The following BRWD1 variants were observed in gnomAD, a reference collection of about 807,000 sequenced individuals.
The protein encoded by BRWD1 is bromodomain and WD repeat domain containing 1.
In BRWD1, 82 loss-of-function variants were observed where a neutral mutation model predicts 251.2. That is an observed-to-expected ratio of 0.33 (90% CI 0.27 to 0.39). BRWD1 has a LOEUF of 0.39. Ranked by LOEUF, BRWD1 falls within the 10% of genes least tolerant of loss-of-function variation. The pLI, the probability that BRWD1 is intolerant of heterozygous loss-of-function variation, is 1.00. For missense variants in BRWD1, 2,233 were observed against 2,711.6 expected (o/e 0.82, Z 3.92); for synonymous variants, 918 against 902.8 (o/e 1.02, Z -0.30).
chr21:39,191,348 T>C lies in BRWD1; in HGVS notation c.*4911A>G. 4.1e-6 allele frequency: 4 copies of C among 985,384 alleles called. No individual in the cohort carries two copies. The highest frequency in any genetic ancestry group is 4.8e-6 in the Non-Finnish European group (4 of 829,914). 61.0% of individuals were successfully genotyped at this position (985,384 alleles called of 1,614,324 possible). The stretch of plus-strand genomic sequence containing the variant: ...GTGGAAAAGAGGTTGGGGAACCACT[T>C]GGGACAAGTCTGGAATTAACCAGCT... On this transcript the variant is annotated 3_prime_UTR_variant, in exon 41 of 41. Transcript: ENST00000342449.
Position 39,218,486 on chromosome 21 carries a change from TA to T in BRWD1, c.3538+18del. The T allele has an allele frequency of 6.4e-7, 1 of 1,557,338 alleles. No homozygotes were observed. On this transcript the variant is annotated intron_variant, in intron 30 of 40. Transcript: ENST00000342449. ...AAATTGAAAAAAAAACTTTTCATCC[TA>T]AAAAATAAAAAACTTACCAAGATTC...
intron 19 of BRWD1, among the ~76,000 whole-genome samples, chr21:39,252,249 CAAA>C (rs36017444): frequency 8.2e-6 from 1 of 122,232 alleles, no homozygotes; most frequent in Admixed American, 8.2e-5. Flanking sequence ...AACTCCGTCT[CAAA>C]AAAAAAAAAA....
chr21:39,235,176 G>A (rs1316254494), intron 23 of BRWD1, among the ~76,000 whole-genome samples: 1 of 152,136 alleles, frequency 6.6e-6, no homozygotes, highest in Non-Finnish European at 1.5e-5. Context: ...TTGAACCCAG[G>A]AGGCAGAGGC....
At chr21:39,231,249 AT>A (rs1045948452) in intron 25 of BRWD1, among the ~76,000 whole-genome samples, 5 of 152,202 alleles carry the variant, frequency 3.3e-5, no homozygotes, top group Non-Finnish European at 7.4e-5. Flanking sequence ...TGACATTTTG[AT>A]GTTGTTCTTT....
chr21:39,276,252 T>C (rs2035278027), intron 11 of BRWD1, 39 bp from the exon 12 acceptor site: 4 of 1,541,664 alleles, frequency 2.6e-6, no homozygotes, highest in South Asian at 1.2e-5. Context: ...AATGATCATC[T>C]ACATGGTCTG....
intron 8 of BRWD1, among the ~76,000 whole-genome samples, chr21:39,283,786 T>C (rs1358995721): frequency 2.0e-5 from 3 of 152,226 alleles, no homozygotes; most frequent in Non-Finnish European, 2.9e-5. Flanking sequence ...CATACAACCA[T>C]GTTTTGTTAT....
chr21:39,264,428 T>A lies in BRWD1; in HGVS notation c.1885+32A>T, dbSNP rs916485574. ...ACTTTAAAATATTCAAGTACAACTT[T>A]AAAAAAAAAAAAAAAAAAAGACTGC... On this transcript the variant is annotated intron_variant, in intron 17 of 40. Coordinates refer to ENST00000342449, the MANE Select transcript of BRWD1 (RefSeq NM_033656.4). 6.1e-4 allele frequency: 710 copies of A among 1,160,928 alleles called. 4 individuals carry two copies. The highest frequency in any genetic ancestry group is 7.2e-4 in the East Asian group (24 of 33,288). 71.9% of individuals were successfully genotyped at this position (1,160,928 alleles called of 1,614,324 possible). A position where few individuals can be genotyped will look rare whatever the true frequency, so the allele number is the denominator to read the frequency against.
Position 39,193,801 on chromosome 21 carries a change from C to T in BRWD1, c.*2458G>A, listed in dbSNP as rs1356240850. ...TTTTGCATAACGTAGAAAAAAAAGG[C>T]CAAACATGTTCTAGTGCTCAATGTA... On this transcript the variant is annotated 3_prime_UTR_variant, in exon 41 of 41. Coordinates refer to ENST00000342449, the MANE Select transcript of BRWD1 (RefSeq NM_033656.4). The T allele has an allele frequency of 2.0e-6, 2 of 985,332 alleles. No individual in the cohort carries two copies. The highest frequency in any genetic ancestry group is 1.7e-5 in the African/African-American group (1 of 57,168). The allele number at this position is 985,332 out of a possible 1,614,324, so 61.0% of individuals were successfully genotyped here.
chr21:39,218,940 CCT>C (rs2033062517), intron 29 of BRWD1, among the ~76,000 whole-genome samples: 1 of 151,926 alleles, frequency 6.6e-6, no homozygotes, highest in Non-Finnish European at 1.5e-5. Flanking sequence ...CAAACTTAAC[CCT>C]GAGGCCTCTG....
At chr21:39,286,978 T>C (rs983008422) in intron 8 of BRWD1, among the ~76,000 whole-genome samples, 6 of 152,198 alleles carry the variant, frequency 3.9e-5, no homozygotes, top group South Asian at 2.1e-4. Context: ...CAATGGTTAA[T>C]AGTTTGCAAC....
At position 39,192,191 on chromosome 21, in the gene BRWD1, T is replaced by C. The variant is rs1486244556; in HGVS notation, c.*4068A>G. 1 of 985,204 alleles carries C rather than the reference T, an allele frequency of 1.0e-6. No homozygotes were observed. Among genetic ancestry groups the C allele is most frequent in the Non-Finnish European group, 1.2e-6 (1 of 829,856 alleles). The allele number at this position is 985,204 out of a possible 1,614,324, so 61.0% of individuals were successfully genotyped here. A position where few individuals can be genotyped will look rare whatever the true frequency, so the allele number is the denominator to read the frequency against. On this transcript the variant is annotated 3_prime_UTR_variant, in exon 41 of 41. Transcript: ENST00000342449. ...CCCATGTATCCTTGGGCAACATCTC[T>C]GTAATTTAACAGCCTTTAAAACTTA...
chr21:39,312,247 CTCA>C (rs2036510584), intron 4 of BRWD1, among the ~76,000 whole-genome samples: 1 of 152,302 alleles, frequency 6.6e-6, no homozygotes, highest in South Asian at 2.1e-4. Context: ...CAGTGTGAAA[CTCA>C]TCAATCAACT....
intron 29 of BRWD1, among the ~76,000 whole-genome samples, chr21:39,222,832 G>A (rs2033230940): frequency 6.6e-6 from 1 of 152,050 alleles, no homozygotes; most frequent in South Asian, 2.1e-4. Context: ...AATTATAATG[G>A]AAAAAGTATT....
chr21:39,319,825 T>A (rs1034920993), intron 1 of BRWD1, among the ~76,000 whole-genome samples: 6 of 152,218 alleles, frequency 3.9e-5, no homozygotes, highest in Non-Finnish European at 7.3e-5. Flanking sequence ...TCTCCCTGAC[T>A]CTCCACCTAA....
intron 21 of BRWD1, among the ~76,000 whole-genome samples, chr21:39,238,959 A>T (rs2033901670): frequency 6.6e-6 from 1 of 152,082 alleles, no homozygotes; most frequent in Admixed American, 6.5e-5. Context: ...GTAGCTTTTC[A>T]TATGGTTATT....
rs2031599080 is a variant in BRWD1 at position 39,192,413 on chromosome 21, A to C, written c.*3846T>G. On this transcript the variant is annotated 3_prime_UTR_variant, in exon 41 of 41. Coordinates refer to ENST00000342449, the MANE Select transcript of BRWD1 (RefSeq NM_033656.4). The stretch of plus-strand genomic sequence containing the variant: ...AAATACTAGGATAAGAGACAGTCTC[A>C]AACTGTTAAGTTGCAAATTTCTTGG... 1.0e-6 allele frequency: 1 copy of C among 985,288 alleles called. No homozygotes were observed. Among genetic ancestry groups the C allele is most frequent in the African/African-American group, 1.7e-5 (1 of 57,336 alleles). 61.0% of individuals were successfully genotyped at this position (985,288 alleles called of 1,614,324 possible). A position where few individuals can be genotyped will look rare whatever the true frequency, so the allele number is the denominator to read the frequency against.
rs976912290 is a variant in BRWD1, at chr21:39,274,313, G to C, written c.1244+61C>G. On this transcript the variant is annotated intron_variant, in intron 13 of 40. Transcript: ENST00000342449. ...TGAGAGACACAGAGAGCGAGAGAGA[G>C]AGAGAGAGAGAGACAGATCGAACAC... 4.0e-5 allele frequency: 52 copies of C among 1,287,290 alleles called. No homozygotes were observed. In the African/African-American group the frequency reaches 6.3e-4, roughly 16 times the overall value. The allele number at this position is 1,287,290 out of a possible 1,614,324, so 79.7% of individuals were successfully genotyped here.
chr21:39,265,040 A>G (rs772694286), intron 15 of BRWD1, 21 bp from the exon 16 acceptor site: 77 of 1,608,224 alleles, frequency 4.8e-5, no homozygotes, highest in Non-Finnish European at 6.2e-5. Context: ...CAAAAGGAAA[A>G]AAGTTAGGAC....
chr21:39,303,412 G>A (rs1193306536), intron 4 of BRWD1, among the ~76,000 whole-genome samples: 1 of 150,286 alleles, frequency 6.7e-6, no homozygotes, highest in Non-Finnish European at 1.5e-5. Flanking sequence ...TCAGCTACTT[G>A]AGAGGCTGAG....
Sources: gnomAD v4.1 joint callset for allele counts (sites outside exome capture counted in the v4.1 genomes callset) on GRCh38, gnomAD v4.1.1 for gene constraint, MANE v1.5 for transcripts, NCBI Gene and HGNC (gene_info 2026-07-23, HGNC 2026-07-21) for gene names.